The following RALGAPA2 variants were observed in gnomAD, a reference collection of about 807,000 sequenced individuals.
The protein encoded by RALGAPA2 is Ral GTPase activating protein catalytic subunit alpha 2.
A neutral mutation model predicts 230.4 loss-of-function variants in RALGAPA2; 139 were observed. The ratio of observed to expected loss-of-function variants is 0.60; its 90% CI spans 0.53 to 0.69. The LOEUF is 0.69. RALGAPA2 is among the 30% of genes least tolerant of loss of function. The probability of loss-of-function intolerance (pLI) is 0.00; values close to 1 mark genes in which losing one functional copy is unlikely to be tolerated. For synonymous variants in RALGAPA2, 847 were observed against 837.8 expected (o/e 1.01, Z -0.19); for missense variants, 2,163 against 2,276.0 (o/e 0.95, Z 1.01).
Position 20,437,794 on chromosome 20 carries a change from T to C in RALGAPA2, c.5496-25646A>G, listed in dbSNP as rs1054011566. Among the ~76,000 whole-genome samples, 1 of 152,216 alleles carries C rather than the reference T, an allele frequency of 6.6e-6. No homozygotes were observed. Among genetic ancestry groups the C allele is most frequent in the Non-Finnish European group, 1.5e-5 (1 of 68,042 alleles). On this transcript the variant is annotated intron_variant, in intron 37 of 39. Coordinates refer to ENST00000202677, the MANE Select transcript of RALGAPA2 (RefSeq NM_020343.4). The surrounding 1 kb of genome is among the most constrained non-coding windows in gnomAD (Gnocchi z 4.1). ...ATGCTCTAACTTCCCTGGATTTTCA[T>C]GATCTAGCTTGCTTGCTGTCAGCCT...
At chr20:20,613,297 C>A (rs932699233) in intron 13 of RALGAPA2, among the ~76,000 whole-genome samples, 1 of 152,156 alleles carries the variant, frequency 6.6e-6, no homozygotes, top group East Asian at 1.9e-4. Context: ...TCCTTGGGTC[C>A]AACACAGGAG....
chr20:20,655,191 C>T (rs1431037355), intron 3 of RALGAPA2, among the ~76,000 whole-genome samples: 1 of 151,888 alleles, frequency 6.6e-6, no homozygotes, highest in Non-Finnish European at 1.5e-5. Flanking sequence ...GTGAAAAATA[C>T]CTACACACCA....
At chr20:20,624,328 CA>C (rs748683871) in intron 10 of RALGAPA2, among the ~76,000 whole-genome samples, 277 of 49,154 alleles carry the variant, frequency 5.6e-3, no homozygotes, top group African/African-American at 0.015. Flanking sequence ...ACTCCATCTC[CA>C]AAAAAAAAAA....
intron 4 of RALGAPA2, among the ~76,000 whole-genome samples, chr20:20,650,588 G>GTAGGTATAT: frequency 6.6e-6 from 1 of 152,190 alleles, no homozygotes; most frequent in Non-Finnish European, 1.5e-5. Context: ...GTATAGGAGT[G>GTAGGTATAT]TCCTCCCTAG....
chr20:20,394,624 C>CAAAGTG (rs2059668812), intron 39 of RALGAPA2, among the ~76,000 whole-genome samples: 2 of 37,794 alleles, frequency 5.3e-5, no homozygotes, highest in Non-Finnish European at 1.4e-4. Flanking sequence ...AAGTGAGACC[C>CAAAGTG]AGTCTCAAAA....
intron 16 of RALGAPA2, among the ~76,000 whole-genome samples, chr20:20,592,966 G>A (rs1568622127): frequency 6.6e-6 from 1 of 151,356 alleles, no homozygotes; most frequent in Non-Finnish European, 1.5e-5. Context: ...TTGCCAGGTT[G>A]GAGTGCAGTG....
At position 20,605,429 on chromosome 20, in the gene RALGAPA2, A is replaced by C. The variant is rs765995883; in HGVS notation, c.1801-17T>G. On this transcript the variant is annotated splice_polypyrimidine_tract_variant and intron_variant, in intron 14 of 39. Transcript: ENST00000202677. ...CATGAGCGTCTAAAACCAACCAACCAACAAGAGAATTCACACATCTTCATT... is the reference window on the plus strand; with the variant it reads ...CATGAGCGTCTAAAACCAACCAACCCACAAGAGAATTCACACATCTTCATT... 2 of 1,553,830 alleles carry C rather than the reference A, an allele frequency of 1.3e-6. No individual in the cohort carries two copies. The highest frequency in any genetic ancestry group is 2.3e-5 in the East Asian group (1 of 44,234).
chr20:20,574,377 A>G (rs1361735780), intron 20 of RALGAPA2, among the ~76,000 whole-genome samples: 1 of 152,220 alleles, frequency 6.6e-6, no homozygotes, highest in Non-Finnish European at 1.5e-5. Context: ...TAATTATGAA[A>G]TATGAAACTG....
Position 20,393,046 on chromosome 20 carries a change from TG to T in RALGAPA2, c.*242del. ...CAGGACAAGATGATACAGCCTAGTT[TG>T]AGTCCCATCTGAGACACGGTAGTGG... is the stretch of plus-strand genomic sequence containing the variant. On this transcript the variant is annotated 3_prime_UTR_variant, in exon 40 of 40. Transcript: ENST00000202677. The T allele has an allele frequency of 3.9e-6, 5 of 1,279,292 alleles. No individual in the cohort carries two copies. The highest frequency in any genetic ancestry group is 5.2e-6 in the Non-Finnish European group (5 of 959,582). The allele number at this position is 1,279,292 out of a possible 1,614,324, so 79.2% of individuals were successfully genotyped here. A position where few individuals can be genotyped will look rare whatever the true frequency, so the allele number is the denominator to read the frequency against.
rs1377595873 is a variant in RALGAPA2, at chr20:20,437,567, T to C, written c.5496-25419A>G. Among the ~76,000 whole-genome samples, 1 of 152,148 alleles carries C rather than the reference T, an allele frequency of 6.6e-6. No individual in the cohort carries two copies. Among genetic ancestry groups the C allele is most frequent in the Non-Finnish European group, 1.5e-5 (1 of 68,022 alleles). On this transcript the variant is annotated intron_variant, in intron 37 of 39. Coordinates refer to ENST00000202677, the MANE Select transcript of RALGAPA2 (RefSeq NM_020343.4). The surrounding 1 kb of genome is among the most constrained non-coding windows in gnomAD (Gnocchi z 4.1). ...CCTGCCCCTGCTGTCACCTCTGTGG[T>C]GTGGAGCCCTTCCCACACTTCACAC... is the stretch of plus-strand genomic sequence containing the variant.
At chr20:20,574,038 G>C (rs1156995686) in intron 20 of RALGAPA2, among the ~76,000 whole-genome samples, 1 of 152,156 alleles carries the variant, frequency 6.6e-6, no homozygotes, top group African/African-American at 2.4e-5. Context: ...TGTCCAAAGT[G>C]CTGTTACGGT....
At chr20:20,499,783 C>T (rs573225481) in intron 35 of RALGAPA2, among the ~76,000 whole-genome samples, 17 of 152,184 alleles carry the variant, frequency 1.1e-4, no homozygotes, top group African/African-American at 1.9e-4. Flanking sequence ...TTGATCACTA[C>T]GGAAGTTGTC....
chr20:20,524,783 T>C (rs1411503215), intron 29 of RALGAPA2, 47 bp downstream of exon 29: 6 of 1,450,866 alleles, frequency 4.1e-6, no homozygotes, highest in Non-Finnish European at 5.6e-6. Flanking sequence ...TTACCTTACA[T>C]TAAAATAAAA....
intron 38 of RALGAPA2, among the ~76,000 whole-genome samples, chr20:20,409,152 G>T (rs1302211926): frequency 6.6e-6 from 1 of 152,222 alleles, no homozygotes; most frequent in Non-Finnish European, 1.5e-5. Flanking sequence ...ACAGCACCTG[G>T]ATGGGGAGAG....
intron 9 of RALGAPA2, among the ~76,000 whole-genome samples, chr20:20,632,138 C>T (rs1338776064): frequency 6.6e-6 from 1 of 152,004 alleles, no homozygotes; most frequent in Non-Finnish European, 1.5e-5. Flanking sequence ...CTTTCTCCTG[C>T]CTCAGCCTCC....
At chr20:20,676,409 T>C (rs1313318748) in intron 2 of RALGAPA2, 121 bp from the exon 3 acceptor site, 4 of 625,588 alleles carry the variant, frequency 6.4e-6, no homozygotes, top group South Asian at 4.4e-5. Context: ...ATTCAAAAAA[T>C]AGCAAGAGGC....
chr20:20,648,880 C>T (rs1178021312), intron 4 of RALGAPA2, among the ~76,000 whole-genome samples: 1 of 152,072 alleles, frequency 6.6e-6, no homozygotes, highest in African/African-American at 2.4e-5. Flanking sequence ...GATCTCACCC[C>T]CACTCCTGAG....
intron 17 of RALGAPA2, among the ~76,000 whole-genome samples, chr20:20,590,337 C>T (rs1319949662): frequency 6.6e-6 from 1 of 152,022 alleles, no homozygotes; most frequent in African/African-American, 2.4e-5. Flanking sequence ...TATACAAAAC[C>T]TTTCAAAAAT....
At chr20:20,444,776 C>A (rs2060822066) in intron 37 of RALGAPA2, among the ~76,000 whole-genome samples, 1 of 152,238 alleles carries the variant, frequency 6.6e-6, no homozygotes, top group Non-Finnish European at 1.5e-5. Context: ...AGCCAGTCCC[C>A]CCTTCTCCGT....
Sources: gnomAD v4.1 joint callset for allele counts (sites outside exome capture counted in the v4.1 genomes callset) on GRCh38, gnomAD v4.1.1 for gene constraint, Gnocchi (gnomAD v3.1) non-coding constraint, MANE v1.5 for transcripts, NCBI Gene and HGNC (gene_info 2026-07-23, HGNC 2026-07-21) for gene names.